Variants in TSBP1 observed in about 807,000 individuals in gnomAD.
TSBP1 encodes testis expressed basic protein 1.
Under a neutral mutation model 68.8 loss-of-function variants are expected in TSBP1, and 56 were observed. The observed-to-expected ratio is 0.81, with a 90% CI of 0.66 to 1.02. The LOEUF is 1.02. Among genes scored for constraint, TSBP1 ranks in the 50% least tolerant of loss-of-function variants. The pLI is 0.00. For synonymous variants in TSBP1, 171 were observed against 208.7 expected, an observed-to-expected ratio of 0.82 and a Z score of 1.56; for missense variants, 502 against 641.2, an observed-to-expected ratio of 0.78 and a Z score of 2.34.
chr6:32,343,843 C>T lies in TSBP1; in HGVS notation c.350-4205G>A, dbSNP rs1482215604. Reference sequence around the variant, plus strand: ...ATCTTCCCTCTCCAACATTTTGTTTCTGTTCTTTTTGTTCAGCTCTAAAAT... The same window carrying T: ...ATCTTCCCTCTCCAACATTTTGTTTTTGTTCTTTTTGTTCAGCTCTAAAAT... On this transcript the variant is annotated intron_variant, in intron 9 of 22. Transcript: ENST00000612031. This position sits in a 1 kb window ranked among gnomAD's most constrained non-coding sequence, Gnocchi z 4.3. 1.3e-5 allele frequency among the ~76,000 whole-genome samples: 2 copies of T among 152,016 alleles called. No individual in the cohort carries two copies. The highest frequency in any genetic ancestry group is 4.8e-5 in the African/African-American group (2 of 41,404).
At chr6:32,367,816 A>G (rs1473390764) in intron 4 of TSBP1, 109 bp downstream of exon 4, 1 of 791,430 alleles carries the variant, frequency 1.3e-6, no homozygotes, top group Non-Finnish European at 2.0e-6. Flanking sequence ...TATTATAAAA[A>G]CGAAAGATAT....
chr6:32,324,464 G>C (rs1767987873), intron 16 of TSBP1: 2 of 761,980 alleles, frequency 2.6e-6, no homozygotes, highest in African/African-American at 3.4e-5. Flanking sequence ...AATCCTGCAG[G>C]GGATTGTAAA....
intron 6 of TSBP1, among the ~76,000 whole-genome samples, chr6:32,358,635 A>G (rs1772619551): frequency 6.6e-6 from 1 of 151,940 alleles, no homozygotes; most frequent in Non-Finnish European, 1.5e-5. Context: ...TCATTGTTCA[A>G]TTCCCACCTG....
chr6:32,313,799 GC>G (rs1339285195), intron 19 of TSBP1, among the ~76,000 whole-genome samples: 1 of 152,184 alleles, frequency 6.6e-6, no homozygotes, highest in Non-Finnish European at 1.5e-5. Flanking sequence ...CACACCTCCA[GC>G]AGGGCTCTGC....
At position 32,336,416 on chromosome 6, in the gene TSBP1, G is replaced by A. The variant is rs2127606016; in HGVS notation, c.430+199C>T. On this transcript the variant is annotated intron_variant, in intron 12 of 22. Transcript: ENST00000612031. The surrounding 1 kb of genome is among the most constrained non-coding windows in gnomAD (Gnocchi z 5.2). ...GTAATAGGAATGCCAGGGGAGTTGA[G>A]AAAGACAGTGTTAAAAAAGCAAGTC... is the stretch of plus-strand genomic sequence containing the variant. Among the ~76,000 whole-genome samples the A allele has an allele frequency of 6.6e-6, 1 of 152,260 alleles. No homozygotes were observed. Among genetic ancestry groups the A allele is most frequent in the African/African-American group, 2.4e-5 (1 of 41,534 alleles).
chr6:32,335,528 T>C lies in TSBP1; in HGVS notation c.452-71A>G. The C allele has an allele frequency of 9.4e-7, 1 of 1,061,094 alleles. No homozygotes were observed. Among genetic ancestry groups the C allele is most frequent in the Non-Finnish European group, 1.2e-6 (1 of 812,742 alleles). 65.7% of individuals were successfully genotyped at this position (1,061,094 alleles called of 1,614,324 possible). ...ATATATACTTTTTATTTATATACTTTAATTTGTATACTTTCCCTAGTAGGA... is the reference window on the plus strand; with the variant it reads ...ATATATACTTTTTATTTATATACTTCAATTTGTATACTTTCCCTAGTAGGA... On this transcript the variant is annotated intron_variant, in intron 13 of 22. Coordinates refer to ENST00000612031, the Ensembl canonical transcript of TSBP1. The surrounding 1 kb of genome is among the most constrained non-coding windows in gnomAD (Gnocchi z 5.5).
chr6:32,318,867 A>G (rs116889446), intron 18 of TSBP1, among the ~76,000 whole-genome samples: 1 of 152,336 alleles, frequency 6.6e-6, no homozygotes, highest in East Asian at 1.9e-4. Flanking sequence ...GAATATACTA[A>G]AAAGCATTAA....
At chr6:32,324,922 C>T (rs1768050370) in intron 16 of TSBP1, among the ~76,000 whole-genome samples, 1 of 151,990 alleles carries the variant, frequency 6.6e-6, no homozygotes, top group Admixed American at 6.6e-5. Flanking sequence ...CAATAGACAT[C>T]AGTGGACTTT....
intron 9 of TSBP1, among the ~76,000 whole-genome samples, chr6:32,347,490 C>A (rs559612385): frequency 6.6e-6 from 1 of 152,124 alleles, no homozygotes; most frequent in Non-Finnish European, 1.5e-5. Context: ...CAGTCTTCTC[C>A]AGTAGAAACT....
intron 18 of TSBP1, among the ~76,000 whole-genome samples, chr6:32,317,925 T>C (rs1232012301): frequency 6.6e-6 from 1 of 152,160 alleles, no homozygotes; most frequent in African/African-American, 2.4e-5. Flanking sequence ...AAAACGGAGC[T>C]ACCATTCGAC....
chr6:32,308,656 CTTTCTTGT>C (rs1766039316), intron 19 of TSBP1, among the ~76,000 whole-genome samples: 1 of 149,716 alleles, frequency 6.7e-6, no homozygotes, highest in South Asian at 2.1e-4. Context: ...TTTTTTCTTG[CTTTCTTGT>C]GGACTAATAT....
rs1766817897 is a variant in TSBP1 at position 32,315,206 on chromosome 6, C to A, written c.580+566G>T. Among the ~76,000 whole-genome samples, 1 of 152,080 alleles carries A rather than the reference C, an allele frequency of 6.6e-6. No individual in the cohort carries two copies. The highest frequency in any genetic ancestry group is 2.4e-5 in the African/African-American group (1 of 41,398). ...ATATTAAATATCATCATGGTCAACGCTTGATCTGGTTTAAAAATTGAGTCA... is the reference window on the plus strand; with the variant it reads ...ATATTAAATATCATCATGGTCAACGATTGATCTGGTTTAAAAATTGAGTCA... On this transcript the variant is annotated intron_variant, in intron 19 of 22. Coordinates refer to ENST00000612031, the Ensembl canonical transcript of TSBP1. This position sits in a 1 kb window ranked among gnomAD's most constrained non-coding sequence, Gnocchi z 5.4.
chr6:32,350,559 G>T (rs903386877), intron 8 of TSBP1, among the ~76,000 whole-genome samples: 1 of 152,198 alleles, frequency 6.6e-6, no homozygotes, highest in Non-Finnish European at 1.5e-5. Flanking sequence ...ATACCTTATT[G>T]GGGGACTGAG....
intron 15 of TSBP1, 135 bp downstream of exon 16, chr6:32,331,899 C>T (rs966513360): frequency 3.8e-5 from 27 of 714,532 alleles, no homozygotes; most frequent in African/African-American, 5.4e-5. Context: ...CTAACAGTTA[C>T]GATATGGGGA....
chr6:32,296,503 T>C (rs1764742430), intron 22 of TSBP1, among the ~76,000 whole-genome samples: 1 of 152,220 alleles, frequency 6.6e-6, no homozygotes. Flanking sequence ...AAATCAGTGG[T>C]AATATATTTC....
rs149097928 is a variant in TSBP1 at position 32,303,853 on chromosome 6, T to C, written c.581-1224A>G. ...ATTTTAGTGTTTTCTCTGTTTGCATTTTGCAGTCTGTCCCTTCTTCTACTC... is the reference window on the plus strand; with the variant it reads ...ATTTTAGTGTTTTCTCTGTTTGCATCTTGCAGTCTGTCCCTTCTTCTACTC... On this transcript the variant is annotated intron_variant, in intron 19 of 22. Coordinates refer to ENST00000612031, the Ensembl canonical transcript of TSBP1. Among the ~76,000 whole-genome samples, 1,016 of 152,320 alleles carry C rather than the reference T, an allele frequency of 6.7e-3. 17 individuals carry two copies. Among genetic ancestry groups the C allele is most frequent in the East Asian group, 0.02 (103 of 5,190 alleles).
rs191992701 is a variant in TSBP1 at position 32,328,932 on chromosome 6, C to T, written c.514+1657G>A. Reference sequence around the variant, plus strand: ...ATTTAAGAGGTACAAGTACAGATTTCTTATGTCATATATGGCATAGTGGTG... The same window carrying T: ...ATTTAAGAGGTACAAGTACAGATTTTTTATGTCATATATGGCATAGTGGTG... On this transcript the variant is annotated intron_variant, in intron 16 of 22. Transcript: ENST00000612031. 5.3e-5 allele frequency among the ~76,000 whole-genome samples: 8 copies of T among 152,256 alleles called. 1 individual carries two copies. Among genetic ancestry groups the T allele is most frequent in the Admixed American group, 5.2e-4 (8 of 15,292 alleles).
In TSBP1 at chr6:32,302,597, T is replaced by C; in HGVS notation, c.601+12A>G. 1 of 1,522,280 alleles carries C rather than the reference T, an allele frequency of 6.6e-7. No individual in the cohort carries two copies. Among genetic ancestry groups the C allele is most frequent in the Non-Finnish European group, 8.9e-7 (1 of 1,120,568 alleles). The allele number at this position is 1,522,280 out of a possible 1,614,324, so 94.3% of individuals were successfully genotyped here. On this transcript the variant is annotated intron_variant, in intron 20 of 22. Transcript: ENST00000612031. This position sits in a 1 kb window ranked among gnomAD's most constrained non-coding sequence, Gnocchi z 5.1. ...AAGAAACTAATGTAATAAAAATATA[T>C]TAGGAACTTACTAGTGTGAACTTGA...
In TSBP1 at chr6:32,306,238, A is replaced by T. The variant is rs1765768476; in HGVS notation, c.581-3609T>A. On this transcript the variant is annotated intron_variant, in intron 19 of 22. Transcript: ENST00000612031. This position sits in a 1 kb window ranked among gnomAD's most constrained non-coding sequence, Gnocchi z 5.1. ...GGGGGAATTATGTAAACAACTAATTATGTTTTGTTAAAGATTTACGGGAGC... is the reference window on the plus strand; with the variant it reads ...GGGGGAATTATGTAAACAACTAATTTTGTTTTGTTAAAGATTTACGGGAGC... 6.6e-6 allele frequency among the ~76,000 whole-genome samples: 1 copy of T among 152,222 alleles called. No individual in the cohort carries two copies. The highest frequency in any genetic ancestry group is 2.4e-5 in the African/African-American group (1 of 41,456).
Sources: allele counts gnomAD v4.1 joint callset (sites outside exome capture counted in the v4.1 genomes callset), GRCh38; gene constraint gnomAD v4.1.1; non-coding constraint Gnocchi (gnomAD v3.1); transcripts MANE v1.5; gene names NCBI Gene and HGNC (gene_info 2026-07-23, HGNC 2026-07-21).